Variants in ARFGEF3 observed in about 807,000 individuals in gnomAD.
ARFGEF3 encodes the protein ARFGEF family member 3.
In ARFGEF3, 96 loss-of-function variants were observed where a neutral mutation model predicts 221.7. The observed-to-expected ratio is 0.43, with a 90% CI of 0.37 to 0.51. ARFGEF3 has a LOEUF of 0.51. Among genes scored for constraint, ARFGEF3 ranks in the 20% least tolerant of loss-of-function variants. The pLI is 0.00. For synonymous variants in ARFGEF3, 1,145 were observed against 1,126.8 expected (o/e 1.02, Z -0.32); for missense variants, 2,410 against 2,789.9 (o/e 0.86, Z 3.07).
chr6:138,191,572 G>A (rs1777305132), intron 2 of ARFGEF3, among the ~76,000 whole-genome samples: 1 of 152,052 alleles, frequency 6.6e-6, no homozygotes, highest in Non-Finnish European at 1.5e-5. Context: ...CATTTCCTTG[G>A]AAGTTTCATC....
At chr6:138,294,942 T>C (rs991967122) in intron 20 of ARFGEF3, among the ~76,000 whole-genome samples, 4 of 152,188 alleles carry the variant, frequency 2.6e-5, no homozygotes, top group African/African-American at 9.7e-5. Context: ...ATATTTGATT[T>C]TTTCACCCTT....
chr6:138,299,070 C>T (rs933725003), intron 22 of ARFGEF3, among the ~76,000 whole-genome samples: 4 of 151,826 alleles, frequency 2.6e-5, no homozygotes, highest in South Asian at 2.1e-4. Flanking sequence ...TGGTGTTGCA[C>T]GCCTGTAACC....
At chr6:138,260,942 A>T (rs1221817197) in intron 10 of ARFGEF3, among the ~76,000 whole-genome samples, 1 of 152,194 alleles carries the variant, frequency 6.6e-6, no homozygotes, top group Non-Finnish European at 1.5e-5. Flanking sequence ...TGCAACTTTT[A>T]AAAAGTTGGT....
intron 22 of ARFGEF3, among the ~76,000 whole-genome samples, chr6:138,301,136 C>T (rs1779622494): frequency 1.3e-5 from 2 of 152,210 alleles, no homozygotes; most frequent in Non-Finnish European, 2.9e-5. Context: ...AGGACAGAAG[C>T]AGCTTTGGCT....
At chr6:138,312,048 G>T (rs1000223363) in intron 25 of ARFGEF3, among the ~76,000 whole-genome samples, 3 of 152,046 alleles carry the variant, frequency 2.0e-5, no homozygotes, top group Non-Finnish European at 4.4e-5. Context: ...CTCAGCTACT[G>T]GGGAGGCTGA....
chr6:138,312,375 G>A (rs1425580428), intron 25 of ARFGEF3, among the ~76,000 whole-genome samples: 6 of 151,948 alleles, frequency 3.9e-5, no homozygotes. Flanking sequence ...CCTCTTCCTG[G>A]GTGATAGCAT....
chr6:138,274,795 CAA>C (rs11427921), intron 12 of ARFGEF3, among the ~76,000 whole-genome samples: 8 of 111,480 alleles, frequency 7.2e-5, no homozygotes, highest in Admixed American at 9.6e-5. Context: ...AACTCCGTCT[CAA>C]AAAAAAAAAA....
chr6:138,262,562 C>T, intron 11 of ARFGEF3, 139 bp from the exon 12 acceptor site: 1 of 844,378 alleles, frequency 1.2e-6, no homozygotes. Context: ...ATTCATTGCC[C>T]AGACCATTTT....
chr6:138,200,199 A>G (rs1777507570), intron 2 of ARFGEF3, among the ~76,000 whole-genome samples: 1 of 152,230 alleles, frequency 6.6e-6, no homozygotes, highest in East Asian at 1.9e-4. Flanking sequence ...CATGTGTTAA[A>G]TCATCCCTGT....
chr6:138,315,779 G>C (rs1275646403), intron 26 of ARFGEF3, among the ~76,000 whole-genome samples: 1 of 151,984 alleles, frequency 6.6e-6, no homozygotes, highest in Non-Finnish European at 1.5e-5. Flanking sequence ...GAACCCGGGA[G>C]GTGGAGGTTG....
chr6:138,300,393 T>A (rs1263598671), intron 22 of ARFGEF3, among the ~76,000 whole-genome samples: 1 of 152,102 alleles, frequency 6.6e-6, no homozygotes. Flanking sequence ...TTTATACCAA[T>A]AAGAGTGAAC....
rs1165611204 is a variant in ARFGEF3, at chr6:138,334,685, TCATCCACCC to T, written c.5848_5856del (p.Pro1950_Thr1952del). The T allele has an allele frequency of 2.5e-6, 4 of 1,611,514 alleles. No individual in the cohort carries two copies. Among genetic ancestry groups the T allele is most frequent in the Non-Finnish European group, 3.4e-6 (4 of 1,178,020 alleles). On this transcript the variant is annotated inframe_deletion, in exon 33 of 34. Transcript: ENST00000251691. This position sits in a 1 kb window ranked among gnomAD's most constrained non-coding sequence, Gnocchi z 5.1. ...CATCCTGCCCTCCTTCCAGTCCGAGTCATCCACCCCATCCACCGGGGGCTTCTCTGGGAA... is the reference window on the plus strand; with the variant it reads ...CATCCTGCCCTCCTTCCAGTCCGAGTCATCCACCGGGGGCTTCTCTGGGAA...
intron 31 of ARFGEF3, 100 bp downstream of exon 31, chr6:138,324,254 C>T: frequency 7.2e-7 from 1 of 1,395,472 alleles, no homozygotes; most frequent in Non-Finnish European, 9.8e-7. Flanking sequence ...GCCTTTCATT[C>T]CCTGAGGGAC....
Position 138,289,985 on chromosome 6 carries a change from C to T in ARFGEF3, c.3047+17C>T. 6.2e-7 allele frequency: 1 copy of T among 1,600,606 alleles called. No individual in the cohort carries two copies. On this transcript the variant is annotated intron_variant, in intron 18 of 33. Coordinates refer to ENST00000251691, the MANE Select transcript of ARFGEF3 (RefSeq NM_020340.5). ...CGTGTTCAGGTGCATGACGGGCTCC[C>T]ACCCCCAGATGGCACTAACCCTGCC...
At chr6:138,270,811 G>A (rs1286259342) in intron 12 of ARFGEF3, among the ~76,000 whole-genome samples, 1 of 152,190 alleles carries the variant, frequency 6.6e-6, no homozygotes, top group Non-Finnish European at 1.5e-5. Flanking sequence ...GAGCCTATGG[G>A]TGGGAAGAGG....
intron 2 of ARFGEF3, among the ~76,000 whole-genome samples, chr6:138,186,159 C>T (rs914562278): frequency 6.6e-6 from 1 of 152,164 alleles, no homozygotes; most frequent in Admixed American, 6.5e-5. Context: ...GCAGCTTTCA[C>T]CCTTGGGAAA....
At chr6:138,310,714 A>G (rs1222386689) in intron 24 of ARFGEF3, among the ~76,000 whole-genome samples, 1 of 152,256 alleles carries the variant, frequency 6.6e-6, no homozygotes, top group Non-Finnish European at 1.5e-5. Flanking sequence ...GTATAGAAAT[A>G]GATTCGAGAA....
At chr6:138,164,874 C>G (rs971117213) in intron 1 of ARFGEF3, among the ~76,000 whole-genome samples, 1 of 152,202 alleles carries the variant, frequency 6.6e-6, no homozygotes, top group African/African-American at 2.4e-5. Flanking sequence ...TCTCATCCCC[C>G]ACTTAGACCA....
chr6:138,242,063 C>T (rs957517990), intron 6 of ARFGEF3, among the ~76,000 whole-genome samples: 2 of 152,148 alleles, frequency 1.3e-5, no homozygotes, highest in African/African-American at 4.8e-5. Flanking sequence ...CATAACATTT[C>T]GCAAAAGTTG....
Sources: gnomAD v4.1 joint callset for allele counts (sites outside exome capture counted in the v4.1 genomes callset) on GRCh38, gnomAD v4.1.1 for gene constraint, Gnocchi (gnomAD v3.1) non-coding constraint, MANE v1.5 for transcripts, NCBI Gene and HGNC (gene_info 2026-07-23, HGNC 2026-07-21) for gene names.